The following KCNH5 variants were observed in gnomAD, a reference collection of about 807,000 sequenced individuals.
KCNH5 encodes the protein voltage-gated delayed rectifier potassium channel KCNH5.
In KCNH5, 46 loss-of-function variants were observed where a neutral mutation model predicts 96.1. The observed-to-expected ratio is 0.48, with a 90% confidence interval of 0.38 to 0.61. KCNH5 has a LOEUF of 0.61. Among genes scored for constraint, KCNH5 ranks in the 20% least tolerant of loss-of-function variants. The probability of loss-of-function intolerance (pLI) is 0.00; values close to 1 mark genes in which losing one functional copy is unlikely to be tolerated. For missense variants in KCNH5, 907 were observed against 1,225.8 expected, an observed-to-expected ratio of 0.74 and a Z score of 3.88; for synonymous variants, 439 against 449.8, an observed-to-expected ratio of 0.98 and a Z score of 0.30.
At chr14:62,724,368 CTCTA>C (rs1177096620) in intron 10 of KCNH5, among the ~76,000 whole-genome samples, 4 of 152,130 alleles carry the variant, frequency 2.6e-5, no homozygotes, top group Non-Finnish European at 5.9e-5. Context: ...TTCTTTTCAG[CTCTA>C]TCTATCTTTG....
At chr14:62,993,763 C>G (rs1159626487) in intron 4 of KCNH5, among the ~76,000 whole-genome samples, 1 of 152,002 alleles carries the variant, frequency 6.6e-6, no homozygotes, top group Non-Finnish European at 1.5e-5. Flanking sequence ...GCAGTTCTAA[C>G]TTTTCCAAGT....
intron 9 of KCNH5, among the ~76,000 whole-genome samples, chr14:62,792,493 C>A (rs1477622719): frequency 2.6e-5 from 4 of 151,348 alleles, no homozygotes; most frequent in African/African-American, 7.3e-5. Flanking sequence ...AAATTGATTG[C>A]ATATAAAAAT....
At chr14:62,947,722 C>CACAA (rs1279574400) in intron 7 of KCNH5, among the ~76,000 whole-genome samples, 2 of 152,058 alleles carry the variant, frequency 1.3e-5, no homozygotes, top group East Asian at 1.9e-4. Context: ...TAGACACACA[C>CACAA]ACACACACAC....
Position 62,795,010 on chromosome 14 carries a change from G to A in KCNH5, c.1822+7319C>T, listed in dbSNP as rs117277855. On this transcript the variant is annotated intron_variant, in intron 9 of 10. Transcript: ENST00000322893. ...GGATCCGTGATGGAGAACAAGAAAGGAGCAACTTATCAGAGAGCCGTGTGT... is the reference window on the plus strand; with the variant it reads ...GGATCCGTGATGGAGAACAAGAAAGAAGCAACTTATCAGAGAGCCGTGTGT... Among the ~76,000 whole-genome samples the A allele has an allele frequency of 8.0e-3, 1,219 of 152,184 alleles. 16 individuals carry two copies. Among genetic ancestry groups the A allele is most frequent in the Non-Finnish European group, 9.3e-3 (629 of 67,980 alleles).
chr14:62,864,253 A>T (rs1888091417), intron 7 of KCNH5, among the ~76,000 whole-genome samples: 1 of 152,230 alleles, frequency 6.6e-6, no homozygotes, highest in African/African-American at 2.4e-5. Flanking sequence ...ATTTTTAGAT[A>T]AAGAATAGGT....
Position 62,950,174 on chromosome 14 carries a change from T to C in KCNH5, c.1328A>G (p.Asp443Gly). The change falls in exon 7 of 11, where the codon GAT becomes GGT. Residue 443 changes from aspartate (D) to glycine (G), a missense_variant. Asp to Gly is a moderately conservative substitution (Grantham distance 94). Transcript: ENST00000322893. ...IGFGNIAPTT[D>G]VEKMFSVAMM... Reference sequence around the variant, plus strand: ...AGCCACCGAAAACATCTTCTCCACATCTGTGGTAGGAGCTATGTTTCCAAA... The same window carrying C: ...AGCCACCGAAAACATCTTCTCCACACCTGTGGTAGGAGCTATGTTTCCAAA... 1 of 1,613,874 alleles carries C rather than the reference T, an allele frequency of 6.2e-7. No homozygotes were observed. Among genetic ancestry groups the C allele is most frequent in the Non-Finnish European group, 8.5e-7 (1 of 1,179,884 alleles).
In KCNH5 at chr14:62,701,777, A is replaced by AT. The variant is rs968645551; in HGVS notation, c.*5730dup. On this transcript the variant is annotated 3_prime_UTR_variant, in exon 11 of 11. Transcript: ENST00000322893. The stretch of plus-strand genomic sequence containing the variant: ...AATAAATCACATTCAGAAAATTAAC[A>AT]TTTTTTCATTAGAGAAAATTATTGA... 1.3e-5 allele frequency: 2 copies of AT among 152,020 alleles called. No homozygotes were observed. Among genetic ancestry groups the AT allele is most frequent in the African/African-American group, 2.4e-5 (1 of 41,416 alleles). 9.4% of individuals were successfully genotyped at this position (152,020 alleles called of 1,614,324 possible).
chr14:62,713,316 T>G (rs907255861), intron 10 of KCNH5, among the ~76,000 whole-genome samples: 1 of 152,208 alleles, frequency 6.6e-6, no homozygotes. Flanking sequence ...TAATGTCTAC[T>G]CCTCATTTGG....
At chr14:62,903,794 T>C (rs1888975374) in intron 7 of KCNH5, among the ~76,000 whole-genome samples, 1 of 152,154 alleles carries the variant, frequency 6.6e-6, no homozygotes, top group Non-Finnish European at 1.5e-5. Context: ...AGAATAATTC[T>C]CTCCATTTGT....
intron 2 of KCNH5, among the ~76,000 whole-genome samples, chr14:63,015,107 C>T (rs1054123846): frequency 1.3e-5 from 2 of 151,988 alleles, no homozygotes; most frequent in Admixed American, 6.6e-5. Flanking sequence ...TATGAGAATG[C>T]CTTCAGTAGA....
At chr14:62,936,812 C>T (rs990003973) in intron 7 of KCNH5, among the ~76,000 whole-genome samples, 2 of 151,596 alleles carry the variant, frequency 1.3e-5, no homozygotes, top group Admixed American at 6.6e-5. Context: ...CCCGTCTTTA[C>T]TAAAAATCCA....
intron 8 of KCNH5, among the ~76,000 whole-genome samples, chr14:62,845,865 A>C (rs747629038): frequency 4.6e-5 from 7 of 152,214 alleles, no homozygotes. Flanking sequence ...GTTCAAGAGA[A>C]GTATGAACAC....
At chr14:62,837,082 T>C (rs1887479940) in intron 8 of KCNH5, among the ~76,000 whole-genome samples, 2 of 152,166 alleles carry the variant, frequency 1.3e-5, no homozygotes, top group African/African-American at 4.8e-5. Context: ...CACTAAGAAG[T>C]GCTTAGAGAT....
chr14:62,948,231 T>C (rs901300820), intron 7 of KCNH5, among the ~76,000 whole-genome samples: 40 of 152,188 alleles, frequency 2.6e-4, no homozygotes, highest in Admixed American at 9.2e-4. Flanking sequence ...CTATCATTGT[T>C]GGACATTTGG....
intron 8 of KCNH5, among the ~76,000 whole-genome samples, chr14:62,821,599 A>T (rs1396995350): frequency 6.6e-6 from 1 of 152,130 alleles, no homozygotes; most frequent in East Asian, 1.9e-4. Context: ...TAGTTTATGT[A>T]TTATTTACAT....
chr14:62,783,262 C>T (rs1327993421), intron 9 of KCNH5, among the ~76,000 whole-genome samples: 6 of 152,098 alleles, frequency 3.9e-5, no homozygotes, highest in East Asian at 1.9e-4. Flanking sequence ...GTCCTCTCTG[C>T]GTTATGGAAC....
intron 7 of KCNH5, among the ~76,000 whole-genome samples, chr14:62,901,415 T>C (rs951867190): frequency 6.6e-6 from 1 of 152,058 alleles, no homozygotes. Flanking sequence ...TTTCTATTAC[T>C]GCCATATTTA....
intron 10 of KCNH5, among the ~76,000 whole-genome samples, chr14:62,731,664 T>G (rs997516797): frequency 6.6e-6 from 1 of 152,226 alleles, no homozygotes; most frequent in Non-Finnish European, 1.5e-5. Flanking sequence ...TTACCTGAAC[T>G]TTATGAAATA....
intron 8 of KCNH5, among the ~76,000 whole-genome samples, chr14:62,819,415 T>A (rs768967914): frequency 2.0e-5 from 3 of 151,982 alleles, no homozygotes; most frequent in Non-Finnish European, 4.4e-5. Flanking sequence ...AATAAACAAA[T>A]CCATAGACAC....
Sources: gnomAD v4.1 joint callset for allele counts (sites outside exome capture counted in the v4.1 genomes callset) on GRCh38, gnomAD v4.1.1 for gene constraint, MANE v1.5 for transcripts, NCBI Gene and HGNC (gene_info 2026-07-23, HGNC 2026-07-21) for gene names.